The following RTL4 variants were observed in gnomAD, a reference collection of about 807,000 sequenced individuals.
RTL4 encodes the protein retrotransposon Gag like 4, also known as retrotransposon Gag-like protein 4.
RTL4 carries 4 observed loss-of-function variants against 5.3 expected under a neutral mutation model. That is an observed-to-expected ratio of 0.75 (90% CI 0.37 to 1.72). The LOEUF is 1.72. RTL4 is among the 40% of genes most tolerant of loss of function. The pLI is 0.04. For synonymous variants in RTL4, 98 were observed against 87.3 expected, an observed-to-expected ratio of 1.12 and a Z score of -0.68; for missense variants, 260 against 227.1, an observed-to-expected ratio of 1.14 and a Z score of -0.93.
the RTL4 span, among the ~76,000 whole-genome samples, chrX:112,369,961 G>A: frequency 8.9e-6 from 1 of 112,111 alleles, no homozygotes; most frequent in Non-Finnish European, 1.9e-5. Context: ...TGAGAAATAG[G>A]AAGTATGGAG....
the RTL4 span, among the ~76,000 whole-genome samples, chrX:112,249,928 A>T: frequency 2.7e-5 from 3 of 110,440 alleles, no homozygotes; most frequent in Non-Finnish European, 5.7e-5. Flanking sequence ...ATTCAGAGTC[A>T]ACTACAGCCA....
the RTL4 span, among the ~76,000 whole-genome samples, chrX:112,155,229 A>G: frequency 1.3e-3 from 141 of 110,409 alleles, no homozygotes; most frequent in African/African-American, 4.4e-3. Context: ...GGCCTTCTAG[A>G]TAACTAGGAA....
the RTL4 span, among the ~76,000 whole-genome samples, chrX:112,109,320 T>C: frequency 9.0e-6 from 1 of 111,723 alleles, no homozygotes; most frequent in African/African-American, 3.3e-5. Context: ...GTGTCACAGC[T>C]CTTAAAAGTG....
the RTL4 span, among the ~76,000 whole-genome samples, chrX:112,322,701 C>A: frequency 1.8e-5 from 2 of 111,089 alleles, no homozygotes; most frequent in African/African-American, 6.5e-5. Flanking sequence ...CCATGTTGCC[C>A]TTAGGATATA....
the RTL4 span, among the ~76,000 whole-genome samples, chrX:112,413,319 A>G: frequency 3.6e-5 from 4 of 111,482 alleles, no homozygotes; most frequent in African/African-American, 1.3e-4. Context: ...CTGAAAATTG[A>G]GCTATCATGT....
At chrX:112,456,447 C>T (rs1369869386) in exon 1 of RTL4, 1 of 306,273 alleles carries the variant, frequency 3.3e-6, no homozygotes, top group East Asian at 4.8e-5. Context: ...CAACTTATTC[C>T]TCTCTTCTCC....
the RTL4 span, among the ~76,000 whole-genome samples, chrX:112,101,243 A>AATTTTTTTAACGTT: frequency 8.9e-6 from 1 of 111,768 alleles, no homozygotes; most frequent in Non-Finnish European, 1.9e-5. Flanking sequence ...AATAAATGAA[A>AATTTTTTTAACGTT]TCAAACCATG....
chrX:112,342,552 A>C, the RTL4 span, among the ~76,000 whole-genome samples: 2 of 88,798 alleles, frequency 2.3e-5, no homozygotes, highest in African/African-American at 8.1e-5. Flanking sequence ...CTCCAGGGAA[A>C]GCATTCCTCC....
chrX:112,273,322 T>C, the RTL4 span, among the ~76,000 whole-genome samples: 4 of 108,927 alleles, frequency 3.7e-5, no homozygotes, highest in African/African-American at 6.7e-5. Flanking sequence ...GGCGTAATCT[T>C]GGCTCACTGC....
chrX:112,290,292 G>A, the RTL4 span, among the ~76,000 whole-genome samples: 6 of 111,985 alleles, frequency 5.4e-5, no homozygotes, highest in South Asian at 3.7e-4. Context: ...AGGTTTCTTC[G>A]TCTTCAGAGA....
chrX:112,352,453 A>G, the RTL4 span, among the ~76,000 whole-genome samples: 37 of 111,708 alleles, frequency 3.3e-4, no homozygotes, highest in Non-Finnish European at 5.8e-4. Flanking sequence ...ACAGTAACCA[A>G]AACAGGATGG....
the RTL4 span, among the ~76,000 whole-genome samples, chrX:112,236,452 G>T: frequency 6.5e-5 from 5 of 76,887 alleles, no homozygotes; most frequent in East Asian, 8.8e-4. Flanking sequence ...TCTATATATA[G>T]ATATAGATCT....
the RTL4 span, among the ~76,000 whole-genome samples, chrX:112,260,900 C>A: frequency 8.9e-6 from 1 of 111,809 alleles, no homozygotes; most frequent in Non-Finnish European, 1.9e-5. Flanking sequence ...GATTCATAGG[C>A]AGGCTAAGGG....
the RTL4 span, chrX:112,382,141 T>A: frequency 8.3e-7 from 1 of 1,209,671 alleles, no homozygotes; most frequent in East Asian, 3.0e-5. Context: ...TGCAAGGAAG[T>A]CATAATCAGT....
the RTL4 span, among the ~76,000 whole-genome samples, chrX:112,280,763 G>T: frequency 9.0e-6 from 1 of 111,524 alleles, no homozygotes; most frequent in Non-Finnish European, 1.9e-5. Flanking sequence ...CCAAAATGCT[G>T]GGATTACAGG....
the RTL4 span, among the ~76,000 whole-genome samples, chrX:112,114,654 T>C: frequency 9.0e-6 from 1 of 111,155 alleles, no homozygotes; most frequent in Non-Finnish European, 1.9e-5. Flanking sequence ...ACAGGAGGTT[T>C]TGTGGTCCTT....
At chrX:112,302,262 A>AAAAT in the RTL4 span, among the ~76,000 whole-genome samples, 1 of 108,742 alleles carries the variant, frequency 9.2e-6, no homozygotes, top group African/African-American at 3.4e-5. Flanking sequence ...CTCTGTTAAA[A>AAAAT]AAAAAAAAAA....
chrX:112,198,858 T>C, the RTL4 span, among the ~76,000 whole-genome samples: 1 of 111,134 alleles, frequency 9.0e-6, no homozygotes, highest in Non-Finnish European at 1.9e-5. Flanking sequence ...TATATAGCTG[T>C]ACATAACCTC....
the RTL4 span, chrX:112,382,296 A>T: frequency 2.9e-6 from 2 of 693,197 alleles, no homozygotes; most frequent in Non-Finnish European, 2.1e-6. Context: ...CTGGTTAGAA[A>T]GGCTTTTGGA....
Sources: gnomAD v4.1 joint callset for allele counts (sites outside exome capture counted in the v4.1 genomes callset) on GRCh38, gnomAD v4.1.1 for gene constraint, MANE v1.5 for transcripts, NCBI Gene and HGNC (gene_info 2026-07-23, HGNC 2026-07-21) for gene names.